Variants in LONP1 observed in about 807,000 individuals in gnomAD.
LONP1 encodes lon protease homolog, mitochondrial.
A neutral mutation model predicts 98.5 loss-of-function variants in LONP1; 31 were observed. That is an observed-to-expected ratio of 0.31 (90% CI 0.24 to 0.42). The LOEUF is 0.42. Among genes scored for constraint, LONP1 ranks in the 20% least tolerant of loss-of-function variants. The pLI, the probability that LONP1 is intolerant of heterozygous loss-of-function variation, is 1.00. For missense variants in LONP1, 1,336 were observed against 1,350.6 expected, an observed-to-expected ratio of 0.99 and a Z score of 0.17; for synonymous variants, 781 against 594.7, an observed-to-expected ratio of 1.31 and a Z score of -4.56.
intron 9 of LONP1, among the ~76,000 whole-genome samples, chr19:5,700,424 A>T (rs1279909701): frequency 6.6e-6 from 1 of 151,880 alleles, no homozygotes; most frequent in Non-Finnish European, 1.5e-5. Context: ...CAATTTTAAA[A>T]TTTTTTGTAG....
Position 5,693,381 on chromosome 19 carries a change from G to A in LONP1, c.2620C>T (p.Arg874Trp), listed in dbSNP as rs775197460. ...LLSLAMGRPV[R>W]QNLAMTGEVS... The stretch of plus-strand genomic sequence containing the variant: ...TCGCCAGTCATGGCCAGATTCTGCC[G>A]GACAGGCCTGCCCATGGCCAGGGAC... Residue 874 changes from arginine to tryptophan, a missense_variant, in exon 17 of 18, where the codon CGG (arginine) becomes TGG (tryptophan). Arg to Trp is a moderately radical substitution (Grantham distance 101). Coordinates refer to ENST00000360614, the MANE Select transcript of LONP1 (RefSeq NM_004793.4). The A allele has an allele frequency of 9.3e-6, 15 of 1,613,340 alleles. No homozygotes were observed. Among genetic ancestry groups the A allele is most frequent in the East Asian group, 4.5e-5 (2 of 44,864 alleles).
Position 5,691,928 on chromosome 19 carries a change from C to G in LONP1, c.*104G>C. ...GGATCTGGGTCACTGGACCGAGCTG[C>G]TCGCTCGGTGGCTCCACTGCCAGGT... On this transcript the variant is annotated 3_prime_UTR_variant, in exon 18 of 18. Transcript: ENST00000360614. 7.9e-7 allele frequency: 1 copy of G among 1,268,112 alleles called. No individual in the cohort carries two copies. The highest frequency in any genetic ancestry group is 1.1e-6 in the Non-Finnish European group (1 of 937,834). The allele number at this position is 1,268,112 out of a possible 1,614,324, so 78.6% of individuals were successfully genotyped here.
rs553702430 is a variant in LONP1, at chr19:5,707,686, C to G, written c.1062+11G>C. The G allele has an allele frequency of 6.2e-7, 1 of 1,603,582 alleles. No homozygotes were observed. Among genetic ancestry groups the G allele is most frequent in the Non-Finnish European group, 8.5e-7 (1 of 1,172,800 alleles). On this transcript the variant is annotated intron_variant, in intron 6 of 17. Coordinates refer to ENST00000360614, the MANE Select transcript of LONP1 (RefSeq NM_004793.4). ...CAGGCGTGGGGGGCTGTGGAGGTGA[C>G]GAGCACTCACATTGGTCTCTTCCAG...
chr19:5,694,060 C>T (rs1001673165), intron 15 of LONP1, among the ~76,000 whole-genome samples: 8 of 152,342 alleles, frequency 5.3e-5, no homozygotes, highest in East Asian at 1.9e-4. Flanking sequence ...ACAAGCCCTT[C>T]TCCAGCCCCT....
chr19:5,704,399 C>T (rs544715408), intron 8 of LONP1, among the ~76,000 whole-genome samples: 1 of 152,196 alleles, frequency 6.6e-6, no homozygotes, highest in South Asian at 2.1e-4. Context: ...AAGCCACAGC[C>T]TTCGCGCGCA....
chr19:5,691,976 T>TCAGTTATGGCCCAGACAGGGCCTGACATC lies in LONP1; in HGVS notation c.*55_*56insGATGTCAGGCCCTGTCTGGGCCATAACTG. The TCAGTTATGGCCCAGACAGGGCCTGACATC allele has an allele frequency of 1.3e-6, 2 of 1,536,480 alleles. No individual in the cohort carries two copies. Among genetic ancestry groups the TCAGTTATGGCCCAGACAGGGCCTGACATC allele is most frequent in the Non-Finnish European group, 1.8e-6 (2 of 1,135,662 alleles). ...GGTCCGGGCGCGCTCCCCACAGCGC[T>TCAGTTATGGCCCAGACAGGGCCTGACATC]CAGTTCTGGCCCAGACAGGGCCTGA... On this transcript the variant is annotated 3_prime_UTR_variant, in exon 18 of 18. Transcript: ENST00000360614.
upstream of LONP1, chr19:5,720,334 G>T: frequency 1.3e-6 from 1 of 769,196 alleles, no homozygotes; most frequent in Non-Finnish European, 1.9e-6. Flanking sequence ...CACTTTATGC[G>T]CTGAAGGCCT....
Position 5,708,357 on chromosome 19 carries a change from A to G in LONP1, c.917T>C (p.Leu306Ser). The change falls in exon 5 of 18, where the codon TTG becomes TCG. Residue 306 changes from leucine (L) to serine (S), a missense_variant. Leu to Ser is a moderately radical substitution (Grantham distance 145, BLOSUM62 -2). Coordinates refer to ENST00000360614, the MANE Select transcript of LONP1 (RefSeq NM_004793.4). ...IVKTIRDIIA[L>S]NPLYRESVLQ... is the part of the protein sequence containing the mutation. Reference sequence around the variant, plus strand: ...AGAGGCCCACCTGTAGAGAGGGTTCAAGGCAATGATGTCCCGGATGGTCTT... The same window carrying G: ...AGAGGCCCACCTGTAGAGAGGGTTCGAGGCAATGATGTCCCGGATGGTCTT... 1 of 1,432,012 alleles carries G rather than the reference A, an allele frequency of 7.0e-7. No individual in the cohort carries two copies. The highest frequency in any genetic ancestry group is 9.4e-7 in the Non-Finnish European group (1 of 1,064,344). 88.7% of individuals were successfully genotyped at this position (1,432,012 alleles called of 1,614,324 possible).
chr19:5,695,679 T>G (rs1242573207), intron 13 of LONP1, among the ~76,000 whole-genome samples: 2 of 151,300 alleles, frequency 1.3e-5, no homozygotes, highest in Non-Finnish European at 2.9e-5. Context: ...TGAAACCACT[T>G]CTCCTCCAAG....
At chr19:5,698,558 G>C (rs942205043) in intron 10 of LONP1, among the ~76,000 whole-genome samples, 3 of 152,198 alleles carry the variant, frequency 2.0e-5, no homozygotes, top group Non-Finnish European at 4.4e-5. Flanking sequence ...GAGGCGCCAA[G>C]GTTTCTCTGG....
At chr19:5,704,502 C>T (rs974563806) in intron 8 of LONP1, among the ~76,000 whole-genome samples, 6 of 152,190 alleles carry the variant, frequency 3.9e-5, no homozygotes, top group African/African-American at 1.4e-4. Flanking sequence ...AGGAAAGAAA[C>T]TCATGCCTTC....
Position 5,705,835 on chromosome 19 carries a change from A to G in LONP1, c.1304T>C (p.Met435Thr). ...LKELVVPKHV[M>T]DVVDEELSKL... ...GCTCAGCTCCTCGTCCACAACATCC[A>G]TGACGTGCTTGGGGACCACGAGCTC... The change falls in exon 8 of 18, where the codon ATG becomes ACG. Residue 435 changes from methionine (M) to threonine (T), a missense_variant. Coordinates refer to ENST00000360614, the MANE Select transcript of LONP1 (RefSeq NM_004793.4). 1.2e-6 allele frequency: 2 copies of G among 1,614,186 alleles called. No individual in the cohort carries two copies. Among genetic ancestry groups the G allele is most frequent in the Non-Finnish European group, 1.7e-6 (2 of 1,180,038 alleles).
At chr19:5,698,282 G>A (rs528593605) in intron 10 of LONP1, among the ~76,000 whole-genome samples, 1 of 152,302 alleles carries the variant, frequency 6.6e-6, no homozygotes, top group Admixed American at 6.5e-5. Context: ...TTTAGAGAAG[G>A]CAGAAATGTT....
At position 5,696,079 on chromosome 19, in the gene LONP1, G is replaced by C; in HGVS notation, c.1988C>G (p.Ala663Gly). The change falls in exon 13 of 18, where the codon GCC becomes GGC. Residue 663 changes from alanine to glycine, a missense_variant. Ala to Gly is a moderately conservative substitution (Grantham distance 60). Around this residue, in one of 5 missense-constraint regions of LONP1, gnomAD observed 555 missense variants for 542.6 expected, o/e 1.02. Coordinates refer to ENST00000360614, the MANE Select transcript of LONP1 (RefSeq NM_004793.4). ...CTCCGCAATGGCCAGCTTCTCCTGG[G>C]CCACGTAGCCCGACACGTTGATCAT... ...MEMINVSGYV[A>G]QEKLAIAERY... The C allele has an allele frequency of 6.2e-7, 1 of 1,612,856 alleles. No individual in the cohort carries two copies. The highest frequency in any genetic ancestry group is 8.5e-7 in the Non-Finnish European group (1 of 1,179,892).
intron 10 of LONP1, 88 bp from the exon 11 acceptor site, chr19:5,696,845 G>A: frequency 1.2e-6 from 1 of 831,084 alleles, no homozygotes; most frequent in Non-Finnish European, 1.9e-6. Context: ...ACAGGGGAGA[G>A]GCCACCTGGA....
At chr19:5,711,547 C>T (rs542369411) in intron 4 of LONP1, among the ~76,000 whole-genome samples, 2 of 152,342 alleles carry the variant, frequency 1.3e-5, no homozygotes, top group East Asian at 1.9e-4. Flanking sequence ...TGAGCAGCTA[C>T]AGGCTCCAGC....
intron 10 of LONP1, among the ~76,000 whole-genome samples, chr19:5,697,625 G>C (rs148023552): frequency 0.01 from 1,553 of 151,048 alleles, 23 homozygotes; most frequent in African/African-American, 0.037. Flanking sequence ...GGTCATGCGG[G>C]GTCCTGTGGG....
Position 5,695,708 on chromosome 19 carries a change from C to G in LONP1, c.2013+346G>C, listed in dbSNP as rs2054913485. ...CTCCAAGCCTCATTCTGGGTGGGAG[C>G]CACAGGCCCCACTGCTTCCGGCTGC... On this transcript the variant is annotated intron_variant, in intron 13 of 17. Coordinates refer to ENST00000360614, the MANE Select transcript of LONP1 (RefSeq NM_004793.4). Among the ~76,000 whole-genome samples, 3 of 151,470 alleles carry G rather than the reference C, an allele frequency of 2.0e-5. No homozygotes were observed. The South Asian group carries it at 6.2e-4, about 31-fold the overall frequency.
At position 5,694,836 on chromosome 19, in the gene LONP1, C is replaced by G. The variant is rs142052215; in HGVS notation, c.2079G>C (p.Ser693=). Residue 693 remains serine, a synonymous_variant, in exon 14 of 18, where the codon TCG becomes TCC. Transcript: ENST00000360614. Reference sequence around the variant, plus strand: ...GCTTGATGAGCAGCGTCAGCACGTCCGATGACAGCTTGGCCTTGCTCTCAT... The same window carrying G: ...GCTTGATGAGCAGCGTCAGCACGTCGGATGACAGCTTGGCCTTGCTCTCAT... ...GLDESKAKLS[S]DVLTLLIKQY... The G allele has an allele frequency of 3.1e-6, 5 of 1,604,414 alleles. No individual in the cohort carries two copies. Among genetic ancestry groups the G allele is most frequent in the Non-Finnish European group, 4.3e-6 (5 of 1,173,002 alleles).
Sources: gnomAD v4.1 joint callset for allele counts (sites outside exome capture counted in the v4.1 genomes callset) on GRCh38, gnomAD v4.1.1 for gene constraint, gnomAD v4.1.1 regional missense constraint, MANE v1.5 for transcripts, NCBI Gene and HGNC (gene_info 2026-07-23, HGNC 2026-07-21) for gene names.